Variants in VRK2 observed in about 807,000 individuals in gnomAD.
VRK2 encodes the protein VRK serine/threonine kinase 2.
Under a neutral mutation model 57.6 loss-of-function variants are expected in VRK2, and 60 were observed. The ratio of observed to expected loss-of-function variants is 1.04; its 90% CI spans 0.85 to 1.29. The LOEUF (loss-of-function observed/expected upper bound fraction) is 1.29. Among genes scored for constraint, VRK2 ranks in the 50% most tolerant of loss-of-function variants. The pLI is 0.00. For missense variants in VRK2, 705 were observed against 588.1 expected, an observed-to-expected ratio of 1.20 and a Z score of -2.06; for synonymous variants, 231 against 199.2, an observed-to-expected ratio of 1.16 and a Z score of -1.35.
chr2:58,107,898 T>C (rs976703785), intron 7 of VRK2, among the ~76,000 whole-genome samples: 2 of 152,112 alleles, frequency 1.3e-5, no homozygotes, highest in Non-Finnish European at 2.9e-5. Flanking sequence ...TGAGAAATGC[T>C]TCCATTTGAG....
intron 2 of VRK2, among the ~76,000 whole-genome samples, chr2:58,030,803 T>C (rs1674089162): frequency 6.6e-6 from 1 of 152,102 alleles, no homozygotes; most frequent in Non-Finnish European, 1.5e-5. Flanking sequence ...TTGAAAGTGA[T>C]GCATATGACT....
In VRK2 at chr2:58,054,506, C is replaced by T. The variant is rs1676225163; in HGVS notation, c.136+5539C>T. Among the ~76,000 whole-genome samples, 3 of 151,870 alleles carry T rather than the reference C, an allele frequency of 2.0e-5. No homozygotes were observed. The South Asian group carries it at 6.2e-4, about 31-fold the overall frequency. On this transcript the variant is annotated intron_variant, in intron 2 of 12. Transcript: ENST00000340157. Reference sequence around the variant, plus strand: ...CTCAGCTTTTGAGAGCTCTGGCTTCCTTATGAAATATGGATAGACTTCTGC... The same window carrying T: ...CTCAGCTTTTGAGAGCTCTGGCTTCTTTATGAAATATGGATAGACTTCTGC...
chr2:58,130,249 A>G (rs1483643563), intron 8 of VRK2, among the ~76,000 whole-genome samples: 1 of 152,198 alleles, frequency 6.6e-6, no homozygotes, highest in Non-Finnish European at 1.5e-5. Context: ...ATTAGAGGAT[A>G]TGAGATTTTT....
intron 1 of VRK2, among the ~76,000 whole-genome samples, chr2:57,987,915 C>A (rs1672647918): frequency 6.6e-6 from 1 of 152,146 alleles, no homozygotes; most frequent in African/African-American, 2.4e-5. Flanking sequence ...ACTACATATA[C>A]TTAAAAACTT....
At chr2:58,156,791 G>C (rs1365961772) in intron 12 of VRK2, among the ~76,000 whole-genome samples, 1 of 152,058 alleles carries the variant, frequency 6.6e-6, no homozygotes, top group Non-Finnish European at 1.5e-5. Flanking sequence ...ACATATTTAT[G>C]TAGATGTTTT....
At position 57,913,215 on chromosome 2, in the gene VRK2, G is replaced by T. The variant is rs115788143; in HGVS notation, c.-439+5376G>T. Among the ~76,000 whole-genome samples, 921 of 152,206 alleles carry T rather than the reference G, an allele frequency of 6.1e-3. 10 individuals carry two copies. The highest frequency in any genetic ancestry group is 0.021 in the African/African-American group (868 of 41,528). ...AGCATGAGGCCTGGGATTCAATCTT[G>T]GCCCTACCAATTTATTTCTAGTTAT... On this transcript the variant is annotated intron_variant, in intron 1 of 15. Coordinates refer to the VRK2 transcript ENST00000417641.
chr2:57,940,762 T>A (rs2103955152), intron 1 of VRK2, among the ~76,000 whole-genome samples: 1 of 152,290 alleles, frequency 6.6e-6, no homozygotes, highest in African/African-American at 2.4e-5. Flanking sequence ...ACTTCTGTTC[T>A]CACAGTTTCA....
At chr2:58,024,833 G>A (rs1446251675) in intron 1 of VRK2, among the ~76,000 whole-genome samples, 1 of 152,162 alleles carries the variant, frequency 6.6e-6, no homozygotes, top group Non-Finnish European at 1.5e-5. Context: ...TGGTTAGTGT[G>A]AGAGCAATTT....
At chr2:57,933,118 T>G (rs1459999869) in intron 1 of VRK2, among the ~76,000 whole-genome samples, 2 of 152,052 alleles carry the variant, frequency 1.3e-5, no homozygotes, top group Non-Finnish European at 2.9e-5. Context: ...GAATGATCTG[T>G]GTATGCCTAA....
intron 1 of VRK2, among the ~76,000 whole-genome samples, chr2:57,998,692 C>G (rs920903439): frequency 2.0e-5 from 3 of 152,176 alleles, no homozygotes; most frequent in African/African-American, 7.2e-5. Context: ...ACTACCCTTT[C>G]TGTTCTTCAG....
intron 2 of VRK2, among the ~76,000 whole-genome samples, chr2:58,028,013 TGAA>T (rs549368569): frequency 2.6e-5 from 4 of 152,286 alleles, no homozygotes; most frequent in African/African-American, 9.6e-5. Context: ...GGCTTTCAAG[TGAA>T]GAAGTGCCTA....
intron 10 of VRK2, among the ~76,000 whole-genome samples, chr2:58,139,153 A>G (rs998660575): frequency 3.9e-5 from 6 of 152,126 alleles, no homozygotes; most frequent in South Asian, 2.1e-4. Flanking sequence ...TCTAAATTCA[A>G]TCTTAGCTAA....
intron 1 of VRK2, among the ~76,000 whole-genome samples, chr2:57,924,557 T>C (rs1348732663): frequency 6.6e-6 from 1 of 152,046 alleles, no homozygotes; most frequent in Non-Finnish European, 1.5e-5. Context: ...GATTTTTGTA[T>C]GTTGATCTTG....
intron 2 of VRK2, among the ~76,000 whole-genome samples, chr2:58,078,863 A>G (rs1670481546): frequency 6.6e-6 from 1 of 152,084 alleles, no homozygotes; most frequent in Non-Finnish European, 1.5e-5. Flanking sequence ...TTTTAGAGAA[A>G]GGGTAACTCT....
intron 8 of VRK2, among the ~76,000 whole-genome samples, chr2:58,126,259 A>G (rs72951101): frequency 3.5e-4 from 53 of 152,272 alleles, no homozygotes; most frequent in African/African-American, 1.2e-3. Context: ...TCAAGCTTCA[A>G]TGTAAAACTG....
chr2:57,959,947 C>T (rs1186458750), intron 1 of VRK2, among the ~76,000 whole-genome samples: 2 of 151,532 alleles, frequency 1.3e-5, no homozygotes, highest in Non-Finnish European at 2.9e-5. Flanking sequence ...AGGAGCAAGG[C>T]TGAGACTGAG....
At chr2:58,097,701 G>A (rs555794841) in intron 7 of VRK2, among the ~76,000 whole-genome samples, 1 of 152,136 alleles carries the variant, frequency 6.6e-6, no homozygotes, top group African/African-American at 2.4e-5. Context: ...TAATGCCATA[G>A]GGCAACACAT....
chr2:58,029,013 C>G (rs1451058880), intron 2 of VRK2, among the ~76,000 whole-genome samples: 3 of 145,098 alleles, frequency 2.1e-5, no homozygotes, highest in Non-Finnish European at 3.0e-5. Context: ...AAACTTCTGA[C>G]AGTTATATTA....
At position 58,146,379 on chromosome 2, in the gene VRK2, A is replaced by C; in HGVS notation, c.1087A>C (p.Lys363Gln). 1 of 1,611,818 alleles carries C rather than the reference A, an allele frequency of 6.2e-7. No individual in the cohort carries two copies. Among genetic ancestry groups the C allele is most frequent in the South Asian group, 1.1e-5 (1 of 91,020 alleles). ...GGCACACAATAGGTTAATCGAAAAA[A>C]AAGTCCACAGTGAGAGAAGCGCTGA... ...NKAHNRLIEKKVHSERSAESC... is the reference protein window; with the variant it reads ...NKAHNRLIEKQVHSERSAESC... The change falls in exon 12 of 13, where the codon AAA becomes CAA. Residue 363 changes from lysine to glutamine, a missense_variant. By Grantham distance (53) the Lys-to-Gln change is moderately conservative. Coordinates refer to ENST00000340157, the MANE Select transcript of VRK2 (RefSeq NM_006296.7).
Sources: gnomAD v4.1 joint callset for allele counts (sites outside exome capture counted in the v4.1 genomes callset) on GRCh38, gnomAD v4.1.1 for gene constraint, MANE v1.5 for transcripts, NCBI Gene and HGNC (gene_info 2026-07-23, HGNC 2026-07-21) for gene names.